PSMB7: variants seen among roughly 807,000 people sequenced by gnomAD.
PSMB7 encodes proteasome 20S subunit beta 7.
PSMB7 carries 5 observed loss-of-function variants against 28.1 expected under a neutral mutation model. That is an observed-to-expected ratio of 0.18 (90% CI 0.09 to 0.37). PSMB7 has a LOEUF of 0.37. Among genes scored for constraint, PSMB7 ranks in the 10% least tolerant of loss-of-function variants. PSMB7 has a pLI of 1.00. For synonymous variants in PSMB7, 122 were observed against 123.7 expected, an observed-to-expected ratio of 0.99 and a Z score of 0.09; for missense variants, 275 against 346.2, an observed-to-expected ratio of 0.79 and a Z score of 1.63.
chr9:124,396,864 A>G (rs148065565), intron 5 of PSMB7: 9 of 465,848 alleles, frequency 1.9e-5, no homozygotes, highest in African/African-American at 1.6e-4. Context: ...AGTTCAAAGA[A>G]TAAGCTAATT....
chr9:124,363,430 A>C (rs886954155), intron 6 of PSMB7, among the ~76,000 whole-genome samples: 2 of 152,260 alleles, frequency 1.3e-5, no homozygotes, highest in African/African-American at 2.4e-5. Context: ...TGCTCCCTGC[A>C]CTGAGTCACA....
At chr9:124,414,261 T>G (rs368037867) in intron 2 of PSMB7, among the ~76,000 whole-genome samples, 4 of 152,332 alleles carry the variant, frequency 2.6e-5, no homozygotes, top group East Asian at 1.9e-4. Context: ...TCGGGTAAAT[T>G]CCTTGTAAAT....
intron 3 of PSMB7, among the ~76,000 whole-genome samples, chr9:124,412,921 A>G (rs1288781569): frequency 6.6e-6 from 1 of 152,204 alleles, no homozygotes; most frequent in Non-Finnish European, 1.5e-5. Context: ...AAGATACACA[A>G]GAAGACAAAA....
intron 7 of PSMB7, among the ~76,000 whole-genome samples, chr9:124,355,946 G>A (rs1026273270): frequency 2.6e-5 from 4 of 152,342 alleles, no homozygotes; most frequent in Admixed American, 6.5e-5. Context: ...AAGCAAGCCT[G>A]CAGAAGGTGG....
chr9:124,354,836 A>ACC (rs988515389), intron 7 of PSMB7, among the ~76,000 whole-genome samples: 14 of 151,988 alleles, frequency 9.2e-5, no homozygotes, highest in African/African-American at 2.9e-4. Flanking sequence ...CCTCTGAACC[A>ACC]CCCCTCAGTG....
rs374741404 is a variant in PSMB7 at position 124,375,064 on chromosome 9, C to G, written c.570+9534G>C. Reference sequence around the variant, plus strand: ...GCTGAGCCAGGAGAATCACTTGAACCCAGGAAGTGGAGGTTGTAGGCCAAC... The same window carrying G: ...GCTGAGCCAGGAGAATCACTTGAACGCAGGAAGTGGAGGTTGTAGGCCAAC... On this transcript the variant is annotated intron_variant, in intron 6 of 7. Coordinates refer to ENST00000259457, the MANE Select transcript of PSMB7 (RefSeq NM_002799.4). 9.2e-5 allele frequency among the ~76,000 whole-genome samples: 14 copies of G among 152,094 alleles called. No individual in the cohort carries two copies. The East Asian group carries it at 2.5e-3, about 27-fold the overall frequency.
At chr9:124,410,373 A>G (rs1271709512) in intron 4 of PSMB7, among the ~76,000 whole-genome samples, 1 of 152,230 alleles carries the variant, frequency 6.6e-6, no homozygotes, top group Non-Finnish European at 1.5e-5. Context: ...GTTTTAAATG[A>G]CATTACAAAG....
chr9:124,403,596 G>C (rs1219897686), intron 5 of PSMB7, among the ~76,000 whole-genome samples: 2 of 152,172 alleles, frequency 1.3e-5, no homozygotes, highest in South Asian at 2.1e-4. Flanking sequence ...GAGGAAGAGA[G>C]GGGGCAAAAA....
intron 6 of PSMB7, among the ~76,000 whole-genome samples, chr9:124,381,931 A>G (rs1360272191): frequency 6.6e-6 from 1 of 151,796 alleles, no homozygotes; most frequent in Non-Finnish European, 1.5e-5. Context: ...TTTAAACTCA[A>G]CCACTAAAGA....
At chr9:124,366,849 C>G (rs1367928694) in intron 6 of PSMB7, among the ~76,000 whole-genome samples, 1 of 152,248 alleles carries the variant, frequency 6.6e-6, no homozygotes, top group Non-Finnish European at 1.5e-5. Flanking sequence ...ACATGCTGTA[C>G]AGGCTTGCAG....
chr9:124,392,506 C>T (rs1564682631), intron 5 of PSMB7, among the ~76,000 whole-genome samples: 1 of 152,210 alleles, frequency 6.6e-6, no homozygotes, highest in Non-Finnish European at 1.5e-5. Flanking sequence ...CACAAGAGGG[C>T]AGGGGACAGG....
chr9:124,377,789 T>C (rs1259482071), intron 6 of PSMB7, among the ~76,000 whole-genome samples: 2 of 152,214 alleles, frequency 1.3e-5, no homozygotes, highest in Non-Finnish European at 2.9e-5. Context: ...CCACCTATCT[T>C]CATAGCTTCT....
At chr9:124,358,068 C>A (rs902411904) in intron 6 of PSMB7, among the ~76,000 whole-genome samples, 5 of 152,226 alleles carry the variant, frequency 3.3e-5, no homozygotes, top group Non-Finnish European at 7.3e-5. Context: ...GCTACGGCGC[C>A]TTCCCAGTCC....
At chr9:124,386,337 A>T (rs1430655490) in intron 5 of PSMB7, among the ~76,000 whole-genome samples, 1 of 152,216 alleles carries the variant, frequency 6.6e-6, no homozygotes, top group Non-Finnish European at 1.5e-5. Flanking sequence ...AACAGGGTCA[A>T]ACTCCACCAA....
intron 4 of PSMB7, among the ~76,000 whole-genome samples, chr9:124,412,017 G>C (rs763812121): frequency 6.6e-6 from 1 of 152,170 alleles, no homozygotes; most frequent in Non-Finnish European, 1.5e-5. Flanking sequence ...TTTATGGGGA[G>C]GAGAGAGTAG....
intron 6 of PSMB7, among the ~76,000 whole-genome samples, chr9:124,378,991 T>C (rs996411263): frequency 7.9e-5 from 12 of 152,042 alleles, no homozygotes; most frequent in African/African-American, 2.9e-4. Context: ...GCCTTAACAA[T>C]AGAGAAGAAA....
intron 7 of PSMB7, among the ~76,000 whole-genome samples, chr9:124,355,335 C>T (rs891747520): frequency 2.0e-4 from 31 of 152,316 alleles, no homozygotes; most frequent in African/African-American, 7.5e-4. Context: ...TGGAGCAGCC[C>T]ATGTCCCAGG....
chr9:124,409,947 T>G (rs1274307850), intron 4 of PSMB7, among the ~76,000 whole-genome samples: 1 of 152,198 alleles, frequency 6.6e-6, no homozygotes, highest in Non-Finnish European at 1.5e-5. Context: ...TTTGATAAAA[T>G]TTAACTTTTA....
chr9:124,404,039 ACAC>A (rs1249293124), intron 5 of PSMB7, among the ~76,000 whole-genome samples: 1 of 152,024 alleles, frequency 6.6e-6, no homozygotes, highest in Non-Finnish European at 1.5e-5. Context: ...CTACAGGCAC[ACAC>A]CACCACACTC....
Sources: allele counts gnomAD v4.1 joint callset (sites outside exome capture counted in the v4.1 genomes callset), GRCh38; gene constraint gnomAD v4.1.1; transcripts MANE v1.5; gene names NCBI Gene and HGNC (gene_info 2026-07-23, HGNC 2026-07-21).